GALNTL6: variants seen among roughly 807,000 people sequenced by gnomAD.
The protein encoded by GALNTL6 is polypeptide N-acetylgalactosaminyltransferase-like 6.
GALNTL6 carries 46 observed loss-of-function variants against 73.7 expected under a neutral mutation model. The ratio of observed to expected loss-of-function variants is 0.62; its 90% confidence interval spans 0.49 to 0.80. The LOEUF is 0.80. Among genes scored for constraint, GALNTL6 ranks in the 30% least tolerant of loss-of-function variants. The pLI is 0.00. For synonymous variants in GALNTL6, 259 were observed against 263.7 expected (o/e 0.98, Z 0.17); for missense variants, 604 against 755.0 (o/e 0.80, Z 2.34).
intron 5 of GALNTL6, among the ~76,000 whole-genome samples, chr4:172,808,430 A>G (rs1344047930): frequency 6.6e-6 from 1 of 152,224 alleles, no homozygotes; most frequent in Non-Finnish European, 1.5e-5. Context: ...TGAAAAGTGA[A>G]AAATACAGAG....
At chr4:172,441,176 C>T (rs1179636887) in intron 5 of GALNTL6, among the ~76,000 whole-genome samples, 1 of 152,062 alleles carries the variant, frequency 6.6e-6, no homozygotes, top group African/African-American at 2.4e-5. Flanking sequence ...TTCAACTATC[C>T]ATCTATTTCA....
chr4:172,388,679 A>T (rs1225791611), intron 5 of GALNTL6, among the ~76,000 whole-genome samples: 1 of 152,092 alleles, frequency 6.6e-6, no homozygotes. Flanking sequence ...AATTTCTGGA[A>T]TTCATATTCA....
At chr4:172,875,138 A>G (rs1027107225) in intron 7 of GALNTL6, among the ~76,000 whole-genome samples, 5 of 152,216 alleles carry the variant, frequency 3.3e-5, no homozygotes, top group Non-Finnish European at 4.4e-5. Flanking sequence ...CAAAACACTG[A>G]AGCGCTGCTA....
chr4:172,679,925 A>G (rs545450025), intron 5 of GALNTL6, among the ~76,000 whole-genome samples: 4 of 136,596 alleles, frequency 2.9e-5, no homozygotes, highest in Non-Finnish European at 4.8e-5. Flanking sequence ...ATAGCTACCT[A>G]TGATTACTTT....
intron 2 of GALNTL6, among the ~76,000 whole-genome samples, chr4:172,015,004 TGATGAAAG>T (rs1741141038): frequency 6.6e-6 from 1 of 152,124 alleles, no homozygotes; most frequent in South Asian, 2.1e-4. Flanking sequence ...TTCTATGTGC[TGATGAAAG>T]GAATGTATAA....
intron 5 of GALNTL6, among the ~76,000 whole-genome samples, chr4:172,803,365 G>A (rs1417391059): frequency 6.6e-6 from 1 of 152,146 alleles, no homozygotes; most frequent in Non-Finnish European, 1.5e-5. Context: ...CTACACATGT[G>A]AGGGATCTAG....
chr4:172,879,393 T>G (rs949926859), intron 7 of GALNTL6, among the ~76,000 whole-genome samples: 5 of 151,864 alleles, frequency 3.3e-5, no homozygotes, highest in Admixed American at 6.6e-5. Context: ...AATGTCACAA[T>G]AAATTTAAAA....
At chr4:172,912,960 C>A (rs1241017021) in intron 8 of GALNTL6, among the ~76,000 whole-genome samples, 3 of 152,182 alleles carry the variant, frequency 2.0e-5, no homozygotes, top group Non-Finnish European at 4.4e-5. Flanking sequence ...TGGGAGACAC[C>A]TCCCAGTAGG....
At chr4:172,079,794 A>G (rs1437746406) in intron 2 of GALNTL6, among the ~76,000 whole-genome samples, 2 of 152,076 alleles carry the variant, frequency 1.3e-5, no homozygotes, top group Non-Finnish European at 2.9e-5. Context: ...AACTTTTAGT[A>G]TAAGAGATAT....
chr4:172,717,841 T>C (rs1380266055), intron 5 of GALNTL6, among the ~76,000 whole-genome samples: 1 of 152,188 alleles, frequency 6.6e-6, no homozygotes, highest in Non-Finnish European at 1.5e-5. Context: ...TACGAGACTT[T>C]AAAGGATAAA....
intron 7 of GALNTL6, among the ~76,000 whole-genome samples, chr4:172,814,177 G>A (rs911263950): frequency 2.6e-5 from 4 of 152,062 alleles, no homozygotes; most frequent in Admixed American, 1.3e-4. Flanking sequence ...TACCTATAAC[G>A]GAAGCGTGCT....
At chr4:171,955,011 G>T (rs1021360997) in intron 2 of GALNTL6, among the ~76,000 whole-genome samples, 3 of 152,028 alleles carry the variant, frequency 2.0e-5, no homozygotes, top group African/African-American at 7.2e-5. Flanking sequence ...AAAATAAATT[G>T]CCCAGTCTCA....
intron 2 of GALNTL6, among the ~76,000 whole-genome samples, chr4:172,009,748 G>T (rs1208330960): frequency 6.6e-6 from 1 of 151,956 alleles, no homozygotes; most frequent in East Asian, 1.9e-4. Context: ...CACGTATGTG[G>T]CTTATTTTCC....
chr4:172,892,516 C>T (rs1579618555), intron 8 of GALNTL6, among the ~76,000 whole-genome samples: 1 of 151,710 alleles, frequency 6.6e-6, no homozygotes, highest in South Asian at 2.1e-4. Flanking sequence ...AACCAGTAGA[C>T]GGCGCTTAAG....
chr4:172,997,345 C>T (rs1205874998), intron 10 of GALNTL6, among the ~76,000 whole-genome samples: 1 of 152,106 alleles, frequency 6.6e-6, no homozygotes, highest in Non-Finnish European at 1.5e-5. Flanking sequence ...TTGGATAGTA[C>T]TGGACAAACC....
chr4:172,834,638 TGGCCCCTGACAAA>T (rs1246910183), intron 7 of GALNTL6, among the ~76,000 whole-genome samples: 1 of 152,130 alleles, frequency 6.6e-6, no homozygotes, highest in Non-Finnish European at 1.5e-5. Context: ...CATGTCAGGG[TGGCCCCTGACAAA>T]TGCACCCTTG....
chr4:172,470,075 G>T (rs1176669834), intron 5 of GALNTL6, among the ~76,000 whole-genome samples: 1 of 152,170 alleles, frequency 6.6e-6, no homozygotes, highest in Non-Finnish European at 1.5e-5. Context: ...GTTGTACACG[G>T]CATGGACTGA....
chr4:173,039,872 T>G, intron 12 of GALNTL6, 61 bp from the exon 13 acceptor site: 1 of 1,243,026 alleles, frequency 8.0e-7, no homozygotes, highest in South Asian at 1.4e-5. Context: ...CTGTATATTT[T>G]GGGTTGTAAC....
chr4:172,515,992 C>A (rs1734593465), intron 5 of GALNTL6, among the ~76,000 whole-genome samples: 1 of 152,164 alleles, frequency 6.6e-6, no homozygotes, highest in African/African-American at 2.4e-5. Flanking sequence ...GCATATCTAT[C>A]TTTATATGTT....
Sources: gnomAD v4.1 joint callset for allele counts (sites outside exome capture counted in the v4.1 genomes callset) on GRCh38, gnomAD v4.1.1 for gene constraint, MANE v1.5 for transcripts, NCBI Gene and HGNC (gene_info 2026-07-23, HGNC 2026-07-21) for gene names.